Variants in AP3D1 observed in about 807,000 individuals in gnomAD.
AP3D1 encodes the protein adaptor related protein complex 3 subunit delta 1.
In AP3D1, 51 loss-of-function variants were observed where a neutral mutation model predicts 147.6. The ratio of observed to expected loss-of-function variants is 0.35; its 90% CI spans 0.28 to 0.44. The LOEUF (loss-of-function observed/expected upper bound fraction) is 0.44. Among genes scored for constraint, AP3D1 ranks in the 20% least tolerant of loss-of-function variants. The pLI, the probability that AP3D1 is intolerant of heterozygous loss-of-function variation, is 1.00. For synonymous variants in AP3D1, 760 were observed against 663.0 expected, an observed-to-expected ratio of 1.15 and a Z score of -2.25; for missense variants, 1,421 against 1,624.2, an observed-to-expected ratio of 0.87 and a Z score of 2.15.
intron 4 of AP3D1, among the ~76,000 whole-genome samples, chr19:2,134,082 A>G (rs1207637584): frequency 1.3e-5 from 2 of 151,994 alleles, no homozygotes; most frequent in Non-Finnish European, 1.5e-5. Flanking sequence ...ATGGCGACAG[A>G]GTGAGACTCT....
At chr19:2,152,087 G>A (rs940750419), upstream of AP3D1, among the ~76,000 whole-genome samples, 1 of 152,260 alleles carries the variant, frequency 6.6e-6, no homozygotes, top group Non-Finnish European at 1.5e-5. Context: ...GGAAGAAAAT[G>A]AGGCCAGAGA....
chr19:2,147,941 T>C (rs949585056), intron 1 of AP3D1, among the ~76,000 whole-genome samples: 5 of 150,668 alleles, frequency 3.3e-5, no homozygotes, highest in Admixed American at 2.0e-4. Flanking sequence ...TCCAGCACTT[T>C]GGGAGGCCGA....
At chr19:2,141,706 C>T (rs2144532289) in intron 1 of AP3D1, among the ~76,000 whole-genome samples, 1 of 151,880 alleles carries the variant, frequency 6.6e-6, no homozygotes, top group South Asian at 2.1e-4. Flanking sequence ...TACCAAAGTG[C>T]TGGGATTACA....
intron 1 of AP3D1, among the ~76,000 whole-genome samples, chr19:2,139,058 TCAAAAAAAAAA>T (rs1361958046): frequency 5.5e-5 from 3 of 54,468 alleles, no homozygotes; most frequent in African/African-American, 1.5e-4. Context: ...AGACTCCGTC[TCAAAAAAAAAA>T]AAAAAAAAAA....
intron 15 of AP3D1, 86 bp downstream of exon 15, chr19:2,118,515 G>A (rs1014774690): frequency 3.9e-6 from 5 of 1,274,662 alleles, no homozygotes; most frequent in Admixed American, 2.1e-5. Flanking sequence ...AAGAGGAAGC[G>A]AGGCCCCGTC....
intron 21 of AP3D1, among the ~76,000 whole-genome samples, 156 bp from the exon 22 acceptor site, chr19:2,114,458 G>A (rs1479838191): frequency 6.6e-6 from 1 of 152,116 alleles, no homozygotes; most frequent in African/African-American, 2.4e-5. Flanking sequence ...AACACAGCCT[G>A]CTGGAGGCTC....
At chr19:2,154,207 C>G (rs1350308262), upstream of AP3D1, among the ~76,000 whole-genome samples, 3 of 151,924 alleles carry the variant, frequency 2.0e-5, no homozygotes, top group Non-Finnish European at 4.4e-5. Flanking sequence ...CTTGGCCTCC[C>G]CAAAGTGCTG....
chr19:2,142,916 C>T (rs1466345367), intron 1 of AP3D1, among the ~76,000 whole-genome samples: 1 of 151,896 alleles, frequency 6.6e-6, no homozygotes, highest in Non-Finnish European at 1.5e-5. Flanking sequence ...AGGCACGAGC[C>T]ACCACGCCAA....
At chr19:2,128,259 T>C (rs2145099686) in intron 8 of AP3D1, among the ~76,000 whole-genome samples, 1 of 152,204 alleles carries the variant, frequency 6.6e-6, no homozygotes, top group African/African-American at 2.4e-5. Context: ...TTCCACAACC[T>C]TGCAGTGCGG....
chr19:2,130,467 G>T lies in AP3D1; in HGVS notation c.533C>A (p.Pro178His). ...LIMYKVFLKY[P>H]ESLRPAFPRL... ...GGGAAAGGCAGGGCGCAGCGACTCG[G>T]GGTACTTCAGGAACACCTTGTACAT... Residue 178 changes from proline to histidine, a missense_variant, in exon 6 of 32, where the codon CCC becomes CAC. Coordinates refer to ENST00000643116, the MANE Select transcript of AP3D1 (RefSeq NM_001261826.3). 6.2e-7 allele frequency: 1 copy of T among 1,614,042 alleles called. No homozygotes were observed. Among genetic ancestry groups the T allele is most frequent in the Non-Finnish European group, 8.5e-7 (1 of 1,180,018 alleles).
rs1449116552 is a variant in AP3D1 at position 2,101,237 on chromosome 19, GC to G, written c.*935del. On this transcript the variant is annotated 3_prime_UTR_variant, in exon 32 of 32. Transcript: ENST00000643116. ...GAAGAAGGGTCAGTCCTGTGCCCAC[GC>G]TGGCCGTGGGGAGTGAGCGGAGTCT... is the stretch of plus-strand genomic sequence containing the variant. 6.6e-6 allele frequency: 1 copy of G among 152,484 alleles called. No individual in the cohort carries two copies. The highest frequency in any genetic ancestry group is 1.5e-5 in the Non-Finnish European group (1 of 68,044). 9.4% of individuals were successfully genotyped at this position (152,484 alleles called of 1,614,324 possible).
At chr19:2,124,862 C>T (rs983104782) in intron 9 of AP3D1, among the ~76,000 whole-genome samples, 2 of 152,198 alleles carry the variant, frequency 1.3e-5, no homozygotes, top group African/African-American at 4.8e-5. Flanking sequence ...ATCGCTTGAC[C>T]TGGGAGGCAG....
intron 22 of AP3D1, among the ~76,000 whole-genome samples, chr19:2,113,808 AGAAAC>A (rs2018356092): frequency 6.6e-6 from 1 of 152,236 alleles, no homozygotes; most frequent in Non-Finnish European, 1.5e-5. Context: ...CAGACACTGC[AGAAAC>A]GGTTCTGGAG....
chr19:2,127,348 A>G, intron 8 of AP3D1, 147 bp from the exon 9 acceptor site: 1 of 788,436 alleles, frequency 1.3e-6, no homozygotes, highest in African/African-American at 1.7e-5. Flanking sequence ...TTGCTCTCCA[A>G]GGCCTGTGGT....
intron 1 of AP3D1, among the ~76,000 whole-genome samples, chr19:2,158,598 G>A (rs1297718700): frequency 6.6e-6 from 1 of 151,248 alleles, no homozygotes; most frequent in East Asian, 1.9e-4. Context: ...CTGAGCCACC[G>A]ATCCCAGCTC....
chr19:2,118,795 G>C lies in AP3D1; in HGVS notation c.1519C>G (p.Leu507Val). 6.2e-7 allele frequency: 1 copy of C among 1,613,716 alleles called. No individual in the cohort carries two copies. Among genetic ancestry groups the C allele is most frequent in the African/African-American group, 1.3e-5 (1 of 75,052 alleles). ...QEPHHTLEAMLRPRVTTLPGH... is the reference protein window; with the variant it reads ...QEPHHTLEAMVRPRVTTLPGH... ...GGCAGCGTGGTGACTCTGGGCCGCA[G>C]CATGGCCTCCAAAGTGTGGTGTGGT... Residue 507 changes from leucine to valine, a missense_variant, in exon 15 of 32, where the codon CTG becomes GTG. Around this residue, in one of 6 missense-constraint regions of AP3D1, gnomAD observed 310 missense variants for 388.1 expected, o/e 0.80. Transcript: ENST00000643116.
At chr19:2,141,410 G>A (rs2019216436) in intron 1 of AP3D1, among the ~76,000 whole-genome samples, 1 of 150,452 alleles carries the variant, frequency 6.6e-6, no homozygotes, top group African/African-American at 2.4e-5. Context: ...TTAAACCCTA[G>A]ATACACAGGA....
At chr19:2,159,223 T>C (rs528620438) in intron 1 of AP3D1, among the ~76,000 whole-genome samples, 49 of 145,124 alleles carry the variant, frequency 3.4e-4, no homozygotes, top group African/African-American at 1.0e-3. Context: ...CTCTCTCTCT[T>C]TTTTTTTTTT....
In AP3D1 at chr19:2,117,076, G is replaced by A. The variant is rs75223679; in HGVS notation, c.1859+146C>T. 0.15 allele frequency: 154,533 copies of A among 1,057,324 alleles called. 12,342 individuals are homozygous for A. Among genetic ancestry groups the A allele is most frequent in the Non-Finnish European group, 0.16 (121,848 of 755,758 alleles). 65.5% of individuals were successfully genotyped at this position (1,057,324 alleles called of 1,614,324 possible). On this transcript the variant is annotated intron_variant, in intron 16 of 31. Transcript: ENST00000643116. The stretch of plus-strand genomic sequence containing the variant: ...AACCAGTGAGAGACCTGGTGAGTCC[G>A]TGTGAGGGATATACCCGCCTGAGGC...
Sources: gnomAD v4.1 joint callset for allele counts (sites outside exome capture counted in the v4.1 genomes callset) on GRCh38, gnomAD v4.1.1 for gene constraint, gnomAD v4.1.1 regional missense constraint, MANE v1.5 for transcripts, NCBI Gene and HGNC (gene_info 2026-07-23, HGNC 2026-07-21) for gene names.